SPRR2G: variants seen among roughly 807,000 people sequenced by gnomAD.
SPRR2G encodes small proline-rich protein 2G.
In SPRR2G, 1 loss-of-function variant was observed where a neutral mutation model predicts 0.7. The observed-to-expected ratio is 1.49, with a 90% CI of 0.53 to 7.06. SPRR2G has a LOEUF of 7.06. Among genes scored for constraint, SPRR2G ranks in the 30% most tolerant of loss-of-function variants. The probability of loss-of-function intolerance (pLI) is 0.14; values close to 1 mark genes in which losing one functional copy is unlikely to be tolerated. For missense variants in SPRR2G, 96 were observed against 88.5 expected (o/e 1.09, Z -0.34); for synonymous variants, 38 against 33.9 (o/e 1.12, Z -0.42).
chr1:153,160,239 T>C, the SPRR2G span, among the ~76,000 whole-genome samples: 6 of 152,324 alleles, frequency 3.9e-5, no homozygotes, highest in Non-Finnish European at 8.8e-5. Context: ...TGACAGGGTT[T>C]CCTTCTTTTC....
chr1:153,171,094 C>A, the SPRR2G span, among the ~76,000 whole-genome samples: 1 of 152,192 alleles, frequency 6.6e-6, no homozygotes, highest in African/African-American at 2.4e-5. Flanking sequence ...GTTCTTGTCA[C>A]TAGTGTTTAT....
the SPRR2G span, among the ~76,000 whole-genome samples, chr1:153,161,979 G>T: frequency 6.6e-6 from 1 of 151,974 alleles, no homozygotes; most frequent in Non-Finnish European, 1.5e-5. Flanking sequence ...GGGGGTTTTT[G>T]GTGGTGGTGG....
At chr1:153,168,667 T>C in the SPRR2G span, among the ~76,000 whole-genome samples, 2 of 152,268 alleles carry the variant, frequency 1.3e-5, no homozygotes, top group African/African-American at 4.8e-5. Flanking sequence ...GGAAAGGCAT[T>C]GATACATTCT....
At chr1:153,158,165 T>C in the SPRR2G span, among the ~76,000 whole-genome samples, 1 of 152,198 alleles carries the variant, frequency 6.6e-6, no homozygotes, top group Non-Finnish European at 1.5e-5. Flanking sequence ...TCTTAACTCA[T>C]TTCAGCATTA....
chr1:153,169,401 T>C, the SPRR2G span, among the ~76,000 whole-genome samples: 1 of 151,950 alleles, frequency 6.6e-6, no homozygotes, highest in Admixed American at 6.6e-5. Context: ...CCATCTCTAC[T>C]AAAAATACAA....
At chr1:153,172,465 T>C in the SPRR2G span, among the ~76,000 whole-genome samples, 6,814 of 152,036 alleles carry the variant, frequency 0.045, 428 homozygotes, top group Admixed American at 0.15. Flanking sequence ...CTGCCCCCAA[T>C]GCACCTCATT....
chr1:153,172,691 ACC>A, the SPRR2G span, among the ~76,000 whole-genome samples: 1 of 152,226 alleles, frequency 6.6e-6, no homozygotes, highest in Non-Finnish European at 1.5e-5. Context: ...ACTGGGGCAA[ACC>A]CTTTTGTTTT....
chr1:153,201,473 T>C, the SPRR2G span, among the ~76,000 whole-genome samples: 2 of 152,220 alleles, frequency 1.3e-5, no homozygotes, highest in Non-Finnish European at 2.9e-5. Flanking sequence ...TCTAGATTGG[T>C]AGCTTTGGTC....
rs1054593668 is a variant in SPRR2G at position 153,149,800 on chromosome 1, C to G, written c.*89G>C. ...AGGTTAGGGAAGATGCAGCCTCCCA[C>G]TACAGCTGAAGGGAAGATGATGGAG... On this transcript the variant is annotated 3_prime_UTR_variant, in exon 2 of 2. Transcript: ENST00000368748. 6.6e-7 allele frequency: 1 copy of G among 1,521,286 alleles called. No individual in the cohort carries two copies. The highest frequency in any genetic ancestry group is 9.1e-7 in the Non-Finnish European group (1 of 1,103,082). The allele number at this position is 1,521,286 out of a possible 1,614,324, so 94.2% of individuals were successfully genotyped here.
At chr1:153,157,160 A>G in the SPRR2G span, among the ~76,000 whole-genome samples, 1 of 152,180 alleles carries the variant, frequency 6.6e-6, no homozygotes, top group African/African-American at 2.4e-5. Context: ...GATTATCTGT[A>G]TTTTGTGAAT....
At chr1:153,179,712 C>G in the SPRR2G span, among the ~76,000 whole-genome samples, 1 of 152,100 alleles carries the variant, frequency 6.6e-6, no homozygotes, top group South Asian at 2.1e-4. Flanking sequence ...ATTATCACTT[C>G]TCATCTTCTC....
the SPRR2G span, among the ~76,000 whole-genome samples, chr1:153,193,660 A>G: frequency 6.6e-6 from 1 of 152,032 alleles, no homozygotes; most frequent in South Asian, 2.1e-4. Context: ...GATGCTAAAC[A>G]CCCAGCCCAG....
At chr1:153,155,760 C>A (rs1486677541), upstream of SPRR2G, among the ~76,000 whole-genome samples, 1 of 152,164 alleles carries the variant, frequency 6.6e-6, no homozygotes, top group African/African-American at 2.4e-5. Flanking sequence ...TTTTTTCTAT[C>A]CTCAGTGAAT....
chr1:153,189,498 G>A, the SPRR2G span, among the ~76,000 whole-genome samples: 1 of 151,982 alleles, frequency 6.6e-6, no homozygotes, highest in East Asian at 1.9e-4. Flanking sequence ...ACTTATAAGA[G>A]CTGTCTCTTT....
the SPRR2G span, among the ~76,000 whole-genome samples, chr1:153,181,602 A>C: frequency 6.6e-6 from 1 of 152,012 alleles, no homozygotes; most frequent in African/African-American, 2.4e-5. Context: ...TCTGGTAACT[A>C]TCATTCTATT....
At chr1:153,166,654 G>A in the SPRR2G span, among the ~76,000 whole-genome samples, 1 of 152,172 alleles carries the variant, frequency 6.6e-6, no homozygotes, top group Non-Finnish European at 1.5e-5. Flanking sequence ...TCCAGATCAT[G>A]GGGATGAAGA....
At chr1:153,158,222 C>A in the SPRR2G span, among the ~76,000 whole-genome samples, 1 of 152,310 alleles carries the variant, frequency 6.6e-6, no homozygotes, top group East Asian at 1.9e-4. Context: ...AGGCAAATTT[C>A]TTCCACCTAT....
At chr1:153,194,948 T>A in the SPRR2G span, among the ~76,000 whole-genome samples, 1 of 152,114 alleles carries the variant, frequency 6.6e-6, no homozygotes, top group Non-Finnish European at 1.5e-5. Flanking sequence ...CATGTGAACA[T>A]TCAGGAGGAA....
chr1:153,202,231 G>A, the SPRR2G span, among the ~76,000 whole-genome samples: 1,281 of 152,234 alleles, frequency 8.4e-3, 14 homozygotes, highest in African/African-American at 0.022. Context: ...GACCCTCCCC[G>A]AAACTGCACA....
Sources: allele counts gnomAD v4.1 joint callset (sites outside exome capture counted in the v4.1 genomes callset), GRCh38; gene constraint gnomAD v4.1.1; transcripts MANE v1.5; gene names NCBI Gene and HGNC (gene_info 2026-07-23, HGNC 2026-07-21).